The following SGCD variants were observed in gnomAD, a reference collection of about 807,000 sequenced individuals.
SGCD encodes the protein delta-sarcoglycan.
In SGCD, 18 loss-of-function variants were observed where a neutral mutation model predicts 36.6. The ratio of observed to expected loss-of-function variants is 0.49; its 90% CI spans 0.34 to 0.73. The LOEUF is 0.73. Among genes scored for constraint, SGCD ranks in the 30% least tolerant of loss-of-function variants. The probability of loss-of-function intolerance (pLI) is 0.01; values close to 1 mark genes in which losing one functional copy is unlikely to be tolerated. For missense variants in SGCD, 387 were observed against 346.7 expected (o/e 1.12, Z -0.92); for synonymous variants, 133 against 130.6 (o/e 1.02, Z -0.12).
intron 8 of SGCD, chr5:156,757,984 T>A: frequency 8.1e-7 from 1 of 1,229,002 alleles, no homozygotes; most frequent in South Asian, 3.8e-5. Context: ...AAATTCTCTC[T>A]TGTCACCTTA....
At position 156,422,691 on chromosome 5, in the gene SGCD, C is replaced by G. The variant is rs573420164; in HGVS notation, c.192+78014C>G. The stretch of plus-strand genomic sequence containing the variant: ...TTTTGACATTTTGGGCTAGGTAACT[C>G]TGTTGTGGTACATATCCCATGCACA... On this transcript the variant is annotated intron_variant, in intron 3 of 8. Transcript: ENST00000337851. 3.2e-4 allele frequency among the ~76,000 whole-genome samples: 48 copies of G among 152,170 alleles called. 1 individual carries two copies. The South Asian group carries it at 7.0e-3, about 22-fold the overall frequency.
Position 156,680,207 on chromosome 5 carries a change from A to C in SGCD, c.575+32671A>C, listed in dbSNP as rs538622918. 4.6e-5 allele frequency among the ~76,000 whole-genome samples: 7 copies of C among 152,170 alleles called. No individual in the cohort carries two copies. In the East Asian group the frequency reaches 1.4e-3, roughly 29 times the overall value. Reference sequence around the variant, plus strand: ...CAAATGGGGAAACCGAGGCCTAGAGAGGTGGAGTGACCTGCCTCAAGTCAC... The same window carrying C: ...CAAATGGGGAAACCGAGGCCTAGAGCGGTGGAGTGACCTGCCTCAAGTCAC... On this transcript the variant is annotated intron_variant, in intron 7 of 8. Transcript: ENST00000337851.
chr5:156,396,327 C>A (rs1348308034), intron 3 of SGCD, among the ~76,000 whole-genome samples: 1 of 152,162 alleles, frequency 6.6e-6, no homozygotes, highest in Admixed American at 6.5e-5. Context: ...AAAAATATTT[C>A]GACTGCAATT....
At chr5:156,349,878 T>C (rs1157929171) in intron 3 of SGCD, among the ~76,000 whole-genome samples, 1 of 151,896 alleles carries the variant, frequency 6.6e-6, no homozygotes, top group Non-Finnish European at 1.5e-5. Flanking sequence ...ATAAGGAAAA[T>C]GTGATATACA....
chr5:156,440,677 T>C (rs1409053983), intron 3 of SGCD, among the ~76,000 whole-genome samples: 1 of 152,160 alleles, frequency 6.6e-6, no homozygotes, highest in Non-Finnish European at 1.5e-5. Context: ...TGGTACTTCA[T>C]TGTGTTTTGA....
chr5:155,890,868 G>C (rs867947393), intron 1 of SGCD, among the ~76,000 whole-genome samples: 3 of 152,060 alleles, frequency 2.0e-5, no homozygotes, highest in African/African-American at 4.8e-5. Flanking sequence ...TGGTGGTGGT[G>C]GGAGAATAAG....
At chr5:156,726,200 C>T (rs753980850) in intron 7 of SGCD, among the ~76,000 whole-genome samples, 4 of 152,116 alleles carry the variant, frequency 2.6e-5, no homozygotes, top group Non-Finnish European at 5.9e-5. Flanking sequence ...AGAGACCTTG[C>T]CTATTACAAT....
At chr5:156,564,383 G>A (rs544158171) in intron 4 of SGCD, among the ~76,000 whole-genome samples, 3 of 152,188 alleles carry the variant, frequency 2.0e-5, no homozygotes, top group Non-Finnish European at 4.4e-5. Context: ...CCGGGAGGCG[G>A]AGCTTGCAGT....
rs1466166399 is a variant in SGCD at position 156,520,461 on chromosome 5, G to C, written c.294+11759G>C. Among the ~76,000 whole-genome samples, 5 of 152,066 alleles carry C rather than the reference G, an allele frequency of 3.3e-5. No individual in the cohort carries two copies. In the East Asian group the frequency reaches 9.6e-4, roughly 29 times the overall value. On this transcript the variant is annotated intron_variant, in intron 4 of 8. Transcript: ENST00000337851. ...CTGCCCAAAGTAATTTATAGACCAA[G>C]TGCTATTCCCATTAAACTACCTTTG...
intron 3 of SGCD, among the ~76,000 whole-genome samples, chr5:156,316,063 G>A (rs747383176): frequency 9.2e-5 from 14 of 151,976 alleles, no homozygotes; most frequent in Non-Finnish European, 1.3e-4. Context: ...TAACTTATAC[G>A]TAGAAAGCCC....
chr5:156,246,987 G>A (rs1040524205), intron 3 of SGCD, among the ~76,000 whole-genome samples: 1 of 152,110 alleles, frequency 6.6e-6, no homozygotes, highest in Non-Finnish European at 1.5e-5. Flanking sequence ...AACAAAAAAA[G>A]CACCACTTAG....
chr5:156,636,112 A>G (rs1410324010), intron 6 of SGCD, among the ~76,000 whole-genome samples: 1 of 152,146 alleles, frequency 6.6e-6, no homozygotes, highest in Admixed American at 6.5e-5. Flanking sequence ...AATCTGTCAC[A>G]CTGGGCTTTG....
chr5:156,595,267 G>A (rs1294007913), intron 6 of SGCD, among the ~76,000 whole-genome samples: 1 of 152,092 alleles, frequency 6.6e-6, no homozygotes, highest in East Asian at 1.9e-4. Flanking sequence ...CCAAGGGGAT[G>A]AGAAGACCAG....
intron 3 of SGCD, among the ~76,000 whole-genome samples, chr5:156,233,265 T>C (rs1765067138): frequency 6.6e-6 from 1 of 152,258 alleles, no homozygotes; most frequent in East Asian, 1.9e-4. Flanking sequence ...ATTTGTGTAA[T>C]GCCTTTGCAG....
intron 3 of SGCD, among the ~76,000 whole-genome samples, chr5:156,185,576 C>T (rs1017002679): frequency 4.0e-5 from 6 of 151,760 alleles, no homozygotes; most frequent in African/African-American, 1.5e-4. Flanking sequence ...TGATTAACAT[C>T]TTTTTCCCTT....
intron 1 of SGCD, among the ~76,000 whole-genome samples, chr5:156,104,681 T>A (rs764578753): frequency 5.9e-5 from 9 of 152,214 alleles, no homozygotes; most frequent in Non-Finnish European, 1.2e-4. Flanking sequence ...AATCATAATG[T>A]GTCAGCAGTT....
intron 3 of SGCD, among the ~76,000 whole-genome samples, chr5:156,190,034 G>C (rs958773861): frequency 6.6e-6 from 1 of 152,148 alleles, no homozygotes; most frequent in African/African-American, 2.4e-5. Context: ...CCTATTTAAT[G>C]TTTCTGAAAG....
chr5:156,250,685 G>T (rs1193738126), intron 3 of SGCD, among the ~76,000 whole-genome samples: 1 of 152,196 alleles, frequency 6.6e-6, no homozygotes, highest in Non-Finnish European at 1.5e-5. Flanking sequence ...TCCCTTTAAG[G>T]AAGACTCTGT....
chr5:155,962,135 T>A (rs1030397095), intron 1 of SGCD, among the ~76,000 whole-genome samples: 1 of 152,200 alleles, frequency 6.6e-6, no homozygotes, highest in African/African-American at 2.4e-5. Context: ...CATAGTTACA[T>A]AGCAGTCAGG....
Sources: gnomAD v4.1 joint callset for allele counts (sites outside exome capture counted in the v4.1 genomes callset) on GRCh38, gnomAD v4.1.1 for gene constraint, MANE v1.5 for transcripts, NCBI Gene and HGNC (gene_info 2026-07-23, HGNC 2026-07-21) for gene names.